Variants in ITPR2 observed in about 807,000 individuals in gnomAD.
ITPR2 encodes the protein inositol 1,4,5-trisphosphate-gated calcium channel ITPR2.
Under a neutral mutation model 317.1 loss-of-function variants are expected in ITPR2, and 207 were observed. That is an observed-to-expected ratio of 0.65 (90% CI 0.58 to 0.73). The LOEUF (loss-of-function observed/expected upper bound fraction) is 0.73. Among genes scored for constraint, ITPR2 ranks in the 30% least tolerant of loss-of-function variants. ITPR2 has a pLI of 0.00. For missense variants in ITPR2, 2,613 were observed against 3,284.0 expected (o/e 0.80, Z 4.99); for synonymous variants, 1,156 against 1,149.1 (o/e 1.01, Z -0.12).
intron 37 of ITPR2, among the ~76,000 whole-genome samples, chr12:26,532,009 T>C (rs1264298067): frequency 7.2e-5 from 11 of 152,238 alleles, no homozygotes. Context: ...TTTATAAATA[T>C]TTTTAAGATT....
In ITPR2 at chr12:26,338,067, G is replaced by T. The variant is rs769360742; in HGVS notation, c.*1330C>A. 2.0e-5 allele frequency: 3 copies of T among 152,308 alleles called. No homozygotes were observed. The highest frequency in any genetic ancestry group is 4.4e-5 in the Non-Finnish European group (3 of 68,038). 9.4% of individuals were successfully genotyped at this position (152,308 alleles called of 1,614,324 possible). Reference sequence around the variant, plus strand: ...TCTGGAGGCAGTGTTTTGTTCCTGTGGGGGAGAGGCCAGGTCAACTTGCAG... The same window carrying T: ...TCTGGAGGCAGTGTTTTGTTCCTGTTGGGGAGAGGCCAGGTCAACTTGCAG... On this transcript the variant is annotated 3_prime_UTR_variant, in exon 57 of 57. Coordinates refer to ENST00000381340, the MANE Select transcript of ITPR2 (RefSeq NM_002223.4).
chr12:26,530,359 C>G (rs553691116), intron 37 of ITPR2, among the ~76,000 whole-genome samples: 2 of 152,310 alleles, frequency 1.3e-5, no homozygotes, highest in African/African-American at 4.8e-5. Flanking sequence ...ATCTGGATTA[C>G]TCTCTTGTGT....
chr12:26,677,183 T>C (rs1473461896), intron 13 of ITPR2, among the ~76,000 whole-genome samples: 4 of 152,074 alleles, frequency 2.6e-5, no homozygotes, highest in African/African-American at 9.6e-5. Flanking sequence ...ACTTTATTAA[T>C]CTAGCAGAAA....
intron 1 of ITPR2, among the ~76,000 whole-genome samples, chr12:26,821,910 TA>T (rs1950944422): frequency 6.6e-6 from 1 of 152,244 alleles, no homozygotes; most frequent in Non-Finnish European, 1.5e-5. Context: ...GATTTGCCAT[TA>T]GAAAATTAAC....
intron 26 of ITPR2, among the ~76,000 whole-genome samples, chr12:26,616,586 C>T (rs1310682743): frequency 6.6e-6 from 1 of 152,076 alleles, no homozygotes; most frequent in Non-Finnish European, 1.5e-5. Context: ...AATTATACCA[C>T]CAATTTTTTT....
chr12:26,811,264 CA>C (rs1439378751), intron 1 of ITPR2, among the ~76,000 whole-genome samples: 1 of 152,140 alleles, frequency 6.6e-6, no homozygotes, highest in Non-Finnish European at 1.5e-5. Flanking sequence ...ACTAATTCAA[CA>C]TTTTCTTCCT....
chr12:26,625,655 G>T (rs1946606631), intron 23 of ITPR2, among the ~76,000 whole-genome samples: 1 of 152,140 alleles, frequency 6.6e-6, no homozygotes. Flanking sequence ...CTTATCTAGA[G>T]AAGTGTGTGT....
chr12:26,789,910 T>C (rs997010917), intron 2 of ITPR2, among the ~76,000 whole-genome samples: 6 of 152,222 alleles, frequency 3.9e-5, no homozygotes, highest in Admixed American at 1.3e-4. Flanking sequence ...TCACAGTTAA[T>C]TACCAAGATT....
intron 55 of ITPR2, among the ~76,000 whole-genome samples, chr12:26,362,747 C>T (rs780297481): frequency 5.3e-5 from 8 of 152,142 alleles, no homozygotes. Context: ...CAACCATTAT[C>T]GAGTTACCCA....
At chr12:26,692,199 T>G (rs1948254093) in intron 10 of ITPR2, among the ~76,000 whole-genome samples, 1 of 152,104 alleles carries the variant, frequency 6.6e-6, no homozygotes, top group African/African-American at 2.4e-5. Flanking sequence ...TTTCTGTTGA[T>G]GTATATAAAT....
intron 2 of ITPR2, among the ~76,000 whole-genome samples, chr12:26,772,413 TTTATATATA>T (rs1451457714): frequency 1.0e-5 from 1 of 97,280 alleles, no homozygotes; most frequent in African/African-American, 3.0e-5. Context: ...AATATACACA[TTTATATATA>T]TTATATATAA....
intron 34 of ITPR2, among the ~76,000 whole-genome samples, chr12:26,574,703 G>A (rs543857639): frequency 2.0e-5 from 3 of 152,270 alleles, no homozygotes; most frequent in South Asian, 2.1e-4. Context: ...TACAAGCATG[G>A]CCTTTGCACC....
chr12:26,706,074 T>C (rs1377964365), intron 9 of ITPR2, among the ~76,000 whole-genome samples: 5 of 152,220 alleles, frequency 3.3e-5, no homozygotes, highest in Admixed American at 2.0e-4. Flanking sequence ...CAATTTCTTC[T>C]AGTCACTTCA....
intron 44 of ITPR2, among the ~76,000 whole-genome samples, chr12:26,475,693 C>T (rs1451610286): frequency 2.0e-5 from 3 of 152,098 alleles, no homozygotes; most frequent in Non-Finnish European, 4.4e-5. Flanking sequence ...AATAAACATC[C>T]ATTATTTACT....
At chr12:26,379,276 A>G (rs904030653) in intron 55 of ITPR2, among the ~76,000 whole-genome samples, 1 of 152,168 alleles carries the variant, frequency 6.6e-6, no homozygotes, top group Non-Finnish European at 1.5e-5. Context: ...CATGCATGTA[A>G]AGCACTTAGC....
chr12:26,655,959 G>A, intron 19 of ITPR2, 107 bp from the exon 20 acceptor site: 1 of 1,129,002 alleles, frequency 8.9e-7, no homozygotes, highest in Non-Finnish European at 1.3e-6. Flanking sequence ...AAATTAGTTA[G>A]CTTTCCTAGA....
At chr12:26,811,516 C>T (rs1298400058) in intron 1 of ITPR2, among the ~76,000 whole-genome samples, 4 of 150,338 alleles carry the variant, frequency 2.7e-5, no homozygotes, top group Non-Finnish European at 4.5e-5. Flanking sequence ...GAGGCCGAGG[C>T]GGGCGGATCA....
intron 34 of ITPR2, among the ~76,000 whole-genome samples, chr12:26,576,432 T>C (rs913194954): frequency 6.6e-6 from 1 of 152,222 alleles, no homozygotes; most frequent in Non-Finnish European, 1.5e-5. Context: ...ATGATACATA[T>C]TGTGACCACT....
intron 37 of ITPR2, among the ~76,000 whole-genome samples, chr12:26,512,997 G>A (rs1477528369): frequency 2.6e-5 from 4 of 151,768 alleles, no homozygotes; most frequent in African/African-American, 7.3e-5. Flanking sequence ...GGGATTACAG[G>A]TGCCCGGGTA....
Sources: gnomAD v4.1 joint callset for allele counts (sites outside exome capture counted in the v4.1 genomes callset) on GRCh38, gnomAD v4.1.1 for gene constraint, MANE v1.5 for transcripts, NCBI Gene and HGNC (gene_info 2026-07-23, HGNC 2026-07-21) for gene names.